Variants in SPTBN1 observed in about 807,000 individuals in gnomAD.
The protein encoded by SPTBN1 is spectrin beta chain, non-erythrocytic 1.
SPTBN1 carries 32 observed loss-of-function variants against 266.4 expected under a neutral mutation model. That is an observed-to-expected ratio of 0.12 (90% CI 0.09 to 0.16). The LOEUF is 0.16. Ranked by LOEUF, SPTBN1 falls within the 10% of genes least tolerant of loss-of-function variation. SPTBN1 has a pLI of 1.00. For missense variants in SPTBN1, 2,296 were observed against 3,067.1 expected (o/e 0.75, Z 5.94); for synonymous variants, 1,336 against 1,162.2 (o/e 1.15, Z -3.04).
rs748853463 is a variant in SPTBN1 at position 54,631,171 on chromosome 2, G to A, written c.3124G>A (p.Asp1042Asn). 2.0e-5 allele frequency: 33 copies of A among 1,614,078 alleles called. No homozygotes were observed. Among genetic ancestry groups the A allele is most frequent in the Non-Finnish European group, 2.4e-5 (28 of 1,180,044 alleles). Residue 1042 changes from aspartate (D) to asparagine (N), a missense_variant, in exon 16 of 36, where the codon GAC becomes AAC. By Grantham distance (23) the Asp-to-Asn change is conservative. This residue lies in a region of SPTBN1 where 128 missense variants were observed against 176.5 expected (regional missense o/e 0.73). Coordinates refer to ENST00000356805, the MANE Select transcript of SPTBN1 (RefSeq NM_003128.3). ...AILSRLAEIS[D>N]VWEEMKTTLK... is the part of the protein sequence containing the mutation. The stretch of plus-strand genomic sequence containing the variant: ...CCTGTCTCGGCTGGCCGAGATCAGC[G>A]ACGTGTGGGAGGAGATGAAGACCAC...
At chr2:54,621,273 A>G (rs2103864912) in intron 7 of SPTBN1, 127 bp from the exon 8 acceptor site, 2 of 583,542 alleles carry the variant, frequency 3.4e-6, no homozygotes, top group Admixed American at 5.6e-5. Context: ...ATGGCAGAAC[A>G]CTCAGGTACA....
In SPTBN1 at chr2:54,645,432, C is replaced by T. The variant is rs749981692; in HGVS notation, c.4473C>T (p.Asn1491=). Residue 1491 remains asparagine, a synonymous_variant, in exon 21 of 36, where the codon AAC becomes AAT. Coordinates refer to ENST00000356805, the MANE Select transcript of SPTBN1 (RefSeq NM_003128.3). This position sits in a 1 kb window ranked among gnomAD's most constrained non-coding sequence, Gnocchi z 4.3. The part of the protein sequence containing the change: ...LLASKEIHQF[N]RDVEDEILWV... ...CCTCCAAAGAGATCCATCAGTTCAA[C>T]AGGGATGTGGAGGACGAGATCGTGA... is the stretch of plus-strand genomic sequence containing the variant. 1.2e-6 allele frequency: 2 copies of T among 1,614,166 alleles called. No homozygotes were observed. The highest frequency in any genetic ancestry group is 2.2e-5 in the South Asian group (2 of 91,084).
chr2:54,642,941 G>A, intron 18 of SPTBN1, 42 bp from the exon 19 acceptor site: 2 of 1,593,876 alleles, frequency 1.3e-6, no homozygotes, highest in South Asian at 2.3e-5. Context: ...AAAGGCTGAT[G>A]TCTAGGATCA....
At chr2:54,619,743 T>A (rs1438741396) in intron 7 of SPTBN1, among the ~76,000 whole-genome samples, 4 of 152,192 alleles carry the variant, frequency 2.6e-5, no homozygotes, top group African/African-American at 9.7e-5. Flanking sequence ...TTCACTCTCC[T>A]TTGTGCACAC....
At chr2:54,613,710 T>C (rs998093665) in intron 4 of SPTBN1, among the ~76,000 whole-genome samples, 1 of 152,196 alleles carries the variant, frequency 6.6e-6, no homozygotes, top group Non-Finnish European at 1.5e-5. Flanking sequence ...AGGACATTTT[T>C]CCCCAGATAG....
intron 1 of SPTBN1, among the ~76,000 whole-genome samples, chr2:54,499,459 T>C (rs927404156): frequency 6.6e-6 from 1 of 152,168 alleles, no homozygotes; most frequent in Admixed American, 6.5e-5. Flanking sequence ...GAAATGGACA[T>C]AATGGAGGAA....
Position 54,558,753 on chromosome 2 carries a change from T to TC in SPTBN1, c.148+32189dup. On this transcript the variant is annotated intron_variant, in intron 2 of 35. Coordinates refer to ENST00000356805, the MANE Select transcript of SPTBN1 (RefSeq NM_003128.3). The surrounding 1 kb of genome is among the most constrained non-coding windows in gnomAD (Gnocchi z 4.6). Reference sequence around the variant, plus strand: ...CTGGAGCGAGATTTCCAGGGCGCAGTCCTCCGGGGCGTTACGCCGGGCATA... The same window carrying TC: ...CTGGAGCGAGATTTCCAGGGCGCAGTCCCTCCGGGGCGTTACGCCGGGCATA... The TC allele has an allele frequency of 6.2e-7, 1 of 1,605,376 alleles. No homozygotes were observed. The highest frequency in any genetic ancestry group is 1.1e-5 in the South Asian group (1 of 90,288).
At chr2:54,583,322 G>A (rs184609683) in intron 2 of SPTBN1, among the ~76,000 whole-genome samples, 117 of 152,188 alleles carry the variant, frequency 7.7e-4, no homozygotes, top group Non-Finnish European at 1.2e-3. Context: ...CTGCTTCTGC[G>A]TCTATCCTTA....
At chr2:54,568,242 G>A (rs1673801530) in intron 2 of SPTBN1, among the ~76,000 whole-genome samples, 1 of 151,320 alleles carries the variant, frequency 6.6e-6, no homozygotes. Context: ...TCAGCCGGTT[G>A]TGGTGGCGCA....
In SPTBN1 at chr2:54,645,962, C is replaced by G; in HGVS notation, c.4529C>G (p.Ser1510Cys). 1 of 1,614,186 alleles carries G rather than the reference C, an allele frequency of 6.2e-7. No individual in the cohort carries two copies. Among genetic ancestry groups the G allele is most frequent in the Non-Finnish European group, 8.5e-7 (1 of 1,180,030 alleles). The stretch of plus-strand genomic sequence containing the variant: ...GGAGAGAGGATGCCTTTGGCAACTT[C>G]CACGGATCATGGCCACAACCTCCAG... Reference protein sequence around the residue: ...WVGERMPLATSTDHGHNLQTV... With the variant: ...WVGERMPLATCTDHGHNLQTV... The change falls in exon 22 of 36, where the codon TCC becomes TGC. Residue 1510 changes from serine (S) to cysteine (C), a missense_variant. Ser to Cys is a moderately radical substitution (Grantham distance 112, BLOSUM62 -1). Coordinates refer to ENST00000356805, the MANE Select transcript of SPTBN1 (RefSeq NM_003128.3). The surrounding 1 kb of genome is among the most constrained non-coding windows in gnomAD (Gnocchi z 4.3).
rs373358540 is a variant in SPTBN1, at chr2:54,628,340, A to T, written c.1798+90A>T. 2 of 1,440,636 alleles carry T rather than the reference A, an allele frequency of 1.4e-6. No homozygotes were observed. Among genetic ancestry groups the T allele is most frequent in the East Asian group, 2.6e-5 (1 of 38,780 alleles). The allele number at this position is 1,440,636 out of a possible 1,614,324, so 89.2% of individuals were successfully genotyped here. ...GTGGGGCTTTTGAAGTTACTGTGCC[A>T]CTATACATTCCTGGTGGGTTTGTCA... On this transcript the variant is annotated intron_variant, in intron 13 of 35. Transcript: ENST00000356805. The surrounding 1 kb of genome is among the most constrained non-coding windows in gnomAD (Gnocchi z 4.3).
chr2:54,481,092 G>T (rs911308773), intron 1 of SPTBN1, among the ~76,000 whole-genome samples: 2 of 151,932 alleles, frequency 1.3e-5, no homozygotes, highest in Non-Finnish European at 2.9e-5. Context: ...AGGATCACTT[G>T]AGCCCAGGAG....
At chr2:54,613,816 A>T (rs1031926665) in intron 4 of SPTBN1, among the ~76,000 whole-genome samples, 1 of 152,218 alleles carries the variant, frequency 6.6e-6, no homozygotes, top group African/African-American at 2.4e-5. Flanking sequence ...ATGGCAACAG[A>T]GGTGAAATTA....
chr2:54,552,979 A>G (rs1429885455), intron 2 of SPTBN1, among the ~76,000 whole-genome samples: 2 of 152,234 alleles, frequency 1.3e-5, no homozygotes, highest in Non-Finnish European at 2.9e-5. Context: ...GAGATGTTCT[A>G]AAGAGGTGGC....
At position 54,458,803 on chromosome 2, in the gene SPTBN1, A is replaced by G. The variant is rs115907461; in HGVS notation, c.-48+2285A>G. Among the ~76,000 whole-genome samples, 894 of 152,350 alleles carry G rather than the reference A, an allele frequency of 5.9e-3. 10 individuals are homozygous for G. The highest frequency in any genetic ancestry group is 0.021 in the African/African-American group (856 of 41,578). Reference sequence around the variant, plus strand: ...TGTTTAGGTGAAAAAGGAAATTTCAATATGCTAGTTGGAAGGGAAGGTCAG... The same window carrying G: ...TGTTTAGGTGAAAAAGGAAATTTCAGTATGCTAGTTGGAAGGGAAGGTCAG... On this transcript the variant is annotated intron_variant, in intron 1 of 35. Transcript: ENST00000356805.
intron 2 of SPTBN1, among the ~76,000 whole-genome samples, chr2:54,587,829 C>T (rs986640135): frequency 1.3e-5 from 2 of 152,202 alleles, no homozygotes; most frequent in Non-Finnish European, 2.9e-5. Flanking sequence ...CAGATAAATA[C>T]CCACTCCGCT....
chr2:54,489,173 AAAC>A (rs1668563003), intron 1 of SPTBN1, among the ~76,000 whole-genome samples: 1 of 138,054 alleles, frequency 7.2e-6, no homozygotes, highest in Non-Finnish European at 1.6e-5. Flanking sequence ...AAAAAAAAAA[AAAC>A]CAGGCATGGT....
Position 54,626,625 on chromosome 2 carries a change from A to G in SPTBN1, c.1644+391A>G, listed in dbSNP as rs2103903736. 6.6e-6 allele frequency among the ~76,000 whole-genome samples: 1 copy of G among 152,032 alleles called. No homozygotes were observed. The highest frequency in any genetic ancestry group is 2.4e-5 in the African/African-American group (1 of 41,454). ...AGAGGTGGTATGGGGAGAAGGGAGG[A>G]GTGGTAGGTGCCATGGACAGAGGAG... On this transcript the variant is annotated intron_variant, in intron 12 of 35. Transcript: ENST00000356805. This position sits in a 1 kb window ranked among gnomAD's most constrained non-coding sequence, Gnocchi z 4.7.
intron 1 of SPTBN1, among the ~76,000 whole-genome samples, chr2:54,473,531 C>T (rs1694032673): frequency 6.6e-6 from 1 of 151,628 alleles, no homozygotes; most frequent in South Asian, 2.1e-4. Flanking sequence ...CACGCACACA[C>T]ATACACACAC....
Sources: gnomAD v4.1 joint callset for allele counts (sites outside exome capture counted in the v4.1 genomes callset) on GRCh38, gnomAD v4.1.1 for gene constraint, gnomAD v4.1.1 regional missense constraint, Gnocchi (gnomAD v3.1) non-coding constraint, MANE v1.5 for transcripts, NCBI Gene and HGNC (gene_info 2026-07-23, HGNC 2026-07-21) for gene names.